Variants in DNAAF1 observed in about 807,000 individuals in gnomAD.
DNAAF1 encodes the protein dynein axonemal assembly factor 1, also known as dynein assembly factor 1, axonemal.
Under a neutral mutation model 71.1 loss-of-function variants are expected in DNAAF1, and 65 were observed. The observed-to-expected ratio is 0.91, with a 90% confidence interval of 0.75 to 1.12. The LOEUF (loss-of-function observed/expected upper bound fraction) is 1.12. Ranked by LOEUF, DNAAF1 falls within the 50% of genes most tolerant of loss-of-function variation. The probability of loss-of-function intolerance (pLI) is 0.00; values close to 1 mark genes in which losing one functional copy is unlikely to be tolerated. For synonymous variants in DNAAF1, 414 were observed against 354.6 expected, an observed-to-expected ratio of 1.17 and a Z score of -1.88; for missense variants, 1,178 against 899.8, an observed-to-expected ratio of 1.31 and a Z score of -3.96.
rs1181512989 is a variant in DNAAF1 at position 84,176,254 on chromosome 16, TCCAG to T, written c.2021_2024del (p.Ser674LeufsTer60). 1 of 1,613,590 alleles carries T rather than the reference TCCAG, an allele frequency of 6.2e-7. No individual in the cohort carries two copies. The highest frequency in any genetic ancestry group is 2.2e-5 in the East Asian group (1 of 44,868). ...CCAAAGAGATGCTGCACCACTCACTTCCAGTGGAGACAGGGACAGCGACTTCCTT... is the reference window on the plus strand; with the variant it reads ...CCAAAGAGATGCTGCACCACTCACTTTGGAGACAGGGACAGCGACTTCCTT... On this transcript the variant is annotated frameshift_variant, in exon 11 of 12. Transcript: ENST00000378553. LOFTEE classifies it low-confidence loss of function (END_TRUNC).
intron 5 of DNAAF1, among the ~76,000 whole-genome samples, chr16:84,158,459 C>T (rs924084679): frequency 5.9e-5 from 9 of 152,128 alleles, no homozygotes; most frequent in African/African-American, 1.9e-4. Flanking sequence ...TCAACTTCAT[C>T]GTGGTTTTAA....
intron 9 of DNAAF1, 78 bp from the exon 10 acceptor site, chr16:84,174,590 GT>G: frequency 1.2e-6 from 2 of 1,613,110 alleles, no homozygotes; most frequent in Non-Finnish European, 1.7e-6. Flanking sequence ...TTGACTGCGT[GT>G]TTGCCTTTAT....
At chr16:84,156,164 T>G (rs2087417991) in intron 5 of DNAAF1, among the ~76,000 whole-genome samples, 1 of 152,158 alleles carries the variant, frequency 6.6e-6, no homozygotes, top group Non-Finnish European at 1.5e-5. Context: ...GGTTTCATCA[T>G]GTTGTCCAGG....
intron 5 of DNAAF1, chr16:84,159,252 C>T (rs2087587551): frequency 3.7e-6 from 4 of 1,080,388 alleles, no homozygotes; most frequent in Non-Finnish European, 3.4e-6. Flanking sequence ...GTCACTGCTG[C>T]TTCTCTGTCT....
chr16:84,174,132 G>T, intron 9 of DNAAF1: 1 of 968,378 alleles, frequency 1.0e-6, no homozygotes, highest in African/African-American at 1.8e-5. Flanking sequence ...AATGGTGGTG[G>T]GGGAGTAACA....
At chr16:84,158,998 T>C (rs150642952) in intron 5 of DNAAF1, 22,662 of 977,770 alleles carry the variant, frequency 0.023, 306 homozygotes, top group Non-Finnish European at 0.025. Flanking sequence ...CCCAAAGTGC[T>C]GAGATTACAG....
intron 3 of DNAAF1, among the ~76,000 whole-genome samples, chr16:84,153,198 G>A (rs536543594): frequency 6.6e-6 from 1 of 152,248 alleles, no homozygotes; most frequent in East Asian, 1.9e-4. Context: ...TGAAGACCTT[G>A]GAGCAATATG....
At position 84,148,596 on chromosome 16, in the gene DNAAF1, C is replaced by CTTTTTTTTTTTTTTT. The variant is rs765676142; in HGVS notation, c.125-407_125-393dup. ...AAAGATTACTGTTCTCTCTCTCTCT[C>CTTTTTTTTTTTTTTT]TTTTTTTTTTTTTTTTTTGGTGAGA... is the stretch of plus-strand genomic sequence containing the variant. On this transcript the variant is annotated intron_variant, in intron 1 of 11. Transcript: ENST00000378553. Among the ~76,000 whole-genome samples, 21 of 43,572 alleles carry CTTTTTTTTTTTTTTT rather than the reference C, an allele frequency of 4.8e-4. 2 individuals carry two copies. The highest frequency in any genetic ancestry group is 2.0e-3 in the East Asian group (2 of 976). The allele number at this position is 43,572 out of a possible 152,430, so 28.6% of individuals were successfully genotyped here.
intron 6 of DNAAF1, among the ~76,000 whole-genome samples, chr16:84,160,547 A>T (rs900979804): frequency 6.6e-6 from 1 of 152,252 alleles, no homozygotes; most frequent in Non-Finnish European, 1.5e-5. Context: ...ATTATACAAC[A>T]TTTAAAATAA....
chr16:84,155,799 C>A (rs2087398583), intron 5 of DNAAF1, 50 bp downstream of exon 5: 2 of 1,601,576 alleles, frequency 1.2e-6, no homozygotes, highest in Non-Finnish European at 8.5e-7. Context: ...GAAACCGCTT[C>A]TATTATTTTC....
chr16:84,170,515 G>T (rs188928865), intron 8 of DNAAF1, among the ~76,000 whole-genome samples, 159 bp downstream of exon 8: 2 of 152,250 alleles, frequency 1.3e-5, no homozygotes, highest in East Asian at 1.9e-4. Context: ...TCTAGAACAG[G>T]GCTGCCCAAC....
intron 6 of DNAAF1, among the ~76,000 whole-genome samples, chr16:84,160,091 C>T (rs1458246139): frequency 6.6e-6 from 1 of 152,102 alleles, no homozygotes; most frequent in Non-Finnish European, 1.5e-5. Flanking sequence ...TGGTTTCAGA[C>T]TTTGTAAAAA....
chr16:84,146,096 CA>C (rs1357871917), intron 1 of DNAAF1, among the ~76,000 whole-genome samples: 1 of 137,148 alleles, frequency 7.3e-6, no homozygotes, highest in Admixed American at 7.0e-5. Context: ...GACTCCGTCT[CA>C]AACAAACAAA....
At position 84,169,887 on chromosome 16, in the gene DNAAF1, G is replaced by C; in HGVS notation, c.1059G>C (p.Glu353Asp). The stretch of plus-strand genomic sequence containing the variant: ...AGATGACATCTTCAGATGATGGTGA[G>C]AATGTGCCCGCCAGTGCGGAAGGCA... Reference protein sequence around the residue: ...RGEMTSSDDGENVPASAEGKE... With the variant: ...RGEMTSSDDGDNVPASAEGKE... The change falls in exon 8 of 12, where the codon GAG (glutamate) becomes GAC (aspartate). Residue 353 changes from glutamate to aspartate, a missense_variant. Physicochemically the swap from Glu to Asp is conservative, Grantham distance 45 (BLOSUM62 2). Coordinates refer to ENST00000378553, the MANE Select transcript of DNAAF1 (RefSeq NM_178452.6). The C allele has an allele frequency of 6.2e-7, 1 of 1,614,016 alleles. No homozygotes were observed.
At chr16:84,148,406 A>T (rs2087014013) in intron 1 of DNAAF1, among the ~76,000 whole-genome samples, 1 of 152,002 alleles carries the variant, frequency 6.6e-6, no homozygotes, top group African/African-American at 2.4e-5. Context: ...CTATGGATGG[A>T]CATTTACGTT....
chr16:84,176,692 T>G (rs1425372368), intron 11 of DNAAF1: 3 of 327,644 alleles, frequency 9.2e-6, no homozygotes, highest in Admixed American at 3.9e-5. Context: ...CCAACACCAC[T>G]GCTGGGGAGT....
In DNAAF1 at chr16:84,165,791, C is replaced by G. The variant is rs745857720; in HGVS notation, c.872C>G (p.Ala291Gly). The change falls in exon 7 of 12, where the codon GCG becomes GGG. Residue 291 changes from alanine (A) to glycine (G), a missense_variant. Coordinates refer to ENST00000378553, the MANE Select transcript of DNAAF1 (RefSeq NM_178452.6). ...CTTTGTTTTTTAAACAGAGCTTGTG[C>G]GGAGGCCTGGGCTAGGGGAGGGTAC... Reference protein sequence around the residue: ...RPVFPKDRACAEAWARGGYAA... With the variant: ...RPVFPKDRACGEAWARGGYAA... 7 of 1,613,260 alleles carry G rather than the reference C, an allele frequency of 4.3e-6. No individual in the cohort carries two copies. Among genetic ancestry groups the G allele is most frequent in the Non-Finnish European group, 5.9e-6 (7 of 1,179,820 alleles).
chr16:84,174,515 C>A, intron 9 of DNAAF1, 154 bp from the exon 10 acceptor site: 1 of 1,538,924 alleles, frequency 6.5e-7, no homozygotes, highest in African/African-American at 1.4e-5. Flanking sequence ...ATCTAGAGTT[C>A]CTTTTGGTGG....
rs764066045 is a variant in DNAAF1, at chr16:84,174,667, A to C, written c.1645-2A>C. ...TGATGTGCGGCTCACTTGCTCTTTCAGGACCTACCTGACTTGGAAGATGAT... is the reference window on the plus strand; with the variant it reads ...TGATGTGCGGCTCACTTGCTCTTTCCGGACCTACCTGACTTGGAAGATGAT... On this transcript the variant is annotated splice_acceptor_variant, in intron 9 of 11. Coordinates refer to ENST00000378553, the MANE Select transcript of DNAAF1 (RefSeq NM_178452.6). LOFTEE classifies it high-confidence loss of function. 8.1e-6 allele frequency: 13 copies of C among 1,614,154 alleles called. No individual in the cohort carries two copies. In the Admixed American group the frequency reaches 2.2e-4, roughly 27 times the overall value.
Sources: allele counts gnomAD v4.1 joint callset (sites outside exome capture counted in the v4.1 genomes callset), GRCh38; gene constraint gnomAD v4.1.1; transcripts MANE v1.5; gene names NCBI Gene and HGNC (gene_info 2026-07-23, HGNC 2026-07-21).